The following TBC1D32 variants were observed in gnomAD, a reference collection of about 807,000 sequenced individuals.
TBC1D32 encodes the protein TBC1 domain family member 32, also known as protein broad-minded.
Under a neutral mutation model 170.3 loss-of-function variants are expected in TBC1D32, and 151 were observed. The ratio of observed to expected loss-of-function variants is 0.89; its 90% CI spans 0.78 to 1.01. The LOEUF (loss-of-function observed/expected upper bound fraction) is 1.01, where lower values mean the gene tolerates loss of function less well. Among genes scored for constraint, TBC1D32 ranks in the 50% least tolerant of loss-of-function variants. The pLI is 0.00. For synonymous variants in TBC1D32, 498 were observed against 488.0 expected (o/e 1.02, Z -0.27); for missense variants, 1,464 against 1,457.1 (o/e 1.00, Z -0.08).
At chr6:121,270,351 A>G (rs1319461889) in intron 15 of TBC1D32, among the ~76,000 whole-genome samples, 1 of 152,140 alleles carries the variant, frequency 6.6e-6, no homozygotes, top group African/African-American at 2.4e-5. Flanking sequence ...AAGATCAACA[A>G]AATTGATAAA....
chr6:121,104,063 A>G (rs1169155095), intron 30 of TBC1D32, among the ~76,000 whole-genome samples: 1 of 151,878 alleles, frequency 6.6e-6, no homozygotes, highest in African/African-American at 2.4e-5. Context: ...TAACTTCAGA[A>G]AGTTTAAAAT....
chr6:121,122,761 C>T (rs1582862431), intron 26 of TBC1D32, among the ~76,000 whole-genome samples: 1 of 152,126 alleles, frequency 6.6e-6, no homozygotes, highest in East Asian at 1.9e-4. Flanking sequence ...AAGACTTTTT[C>T]TGTCACAGTG....
At chr6:121,145,625 T>A (rs1259231600) in intron 24 of TBC1D32, among the ~76,000 whole-genome samples, 2 of 152,142 alleles carry the variant, frequency 1.3e-5, no homozygotes, top group African/African-American at 4.8e-5. Flanking sequence ...ATCAGAAAAA[T>A]AAGCATGTGA....
At chr6:121,281,494 A>T in intron 14 of TBC1D32, 50 bp downstream of exon 14, 1 of 1,470,984 alleles carries the variant, frequency 6.8e-7, no homozygotes, top group Non-Finnish European at 9.3e-7. Flanking sequence ...CTGAGTATCC[A>T]CTAATACCCA....
intron 31 of TBC1D32, among the ~76,000 whole-genome samples, chr6:121,083,194 T>C (rs1460058697): frequency 6.6e-6 from 1 of 152,000 alleles, no homozygotes; most frequent in African/African-American, 2.4e-5. Context: ...AAACTCTATA[T>C]AAAATATAAA....
intron 24 of TBC1D32, among the ~76,000 whole-genome samples, chr6:121,147,568 T>G (rs1433071503): frequency 6.6e-6 from 1 of 151,914 alleles, no homozygotes; most frequent in Admixed American, 6.6e-5. Flanking sequence ...TGATTAGTGA[T>G]GGTGAGCATT....
chr6:121,124,583 G>A (rs1434609490), intron 26 of TBC1D32, among the ~76,000 whole-genome samples: 1 of 151,856 alleles, frequency 6.6e-6, no homozygotes, highest in African/African-American at 2.4e-5. Flanking sequence ...TCCAGGTTTG[G>A]AAATATTTCT....
chr6:121,324,704 A>G (rs553407039), intron 1 of TBC1D32, among the ~76,000 whole-genome samples: 5 of 152,312 alleles, frequency 3.3e-5, no homozygotes, highest in East Asian at 3.9e-4. Flanking sequence ...ATATTTATTC[A>G]TTATTTCATT....
chr6:121,303,801 G>A (rs772003380), intron 8 of TBC1D32, 40 bp from the exon 9 acceptor site: 1 of 1,350,030 alleles, frequency 7.4e-7, no homozygotes, highest in African/African-American at 1.5e-5. Flanking sequence ...TACACATATA[G>A]TTCTGGTGGT....
At chr6:121,081,137 A>G (rs17083122) in intron 31 of TBC1D32, among the ~76,000 whole-genome samples, 9,857 of 152,272 alleles carry the variant, frequency 0.065, 617 homozygotes, top group Admixed American at 0.21. Context: ...ACAGCTACCA[A>G]AAAAACAAAA....
chr6:121,265,659 C>T (rs1800378736), intron 15 of TBC1D32, among the ~76,000 whole-genome samples: 1 of 151,994 alleles, frequency 6.6e-6, no homozygotes, highest in Non-Finnish European at 1.5e-5. Flanking sequence ...AGGCATCATG[C>T]TACGTGACTT....
intron 22 of TBC1D32, among the ~76,000 whole-genome samples, chr6:121,168,924 C>G (rs911717029): frequency 6.6e-6 from 1 of 151,910 alleles, no homozygotes; most frequent in Non-Finnish European, 1.5e-5. Context: ...AGAGATGATA[C>G]AAACAAATGG....
At position 121,131,651 on chromosome 6, in the gene TBC1D32, T is replaced by C; in HGVS notation, c.2875A>G (p.Lys959Glu). Reference sequence around the variant, plus strand: ...CCCTCTCCACTGATTATATCAGGTTTGGCTTTCATCATTTTGCAAAATTGT... The same window carrying C: ...CCCTCTCCACTGATTATATCAGGTTCGGCTTTCATCATTTTGCAAAATTGT... Reference protein sequence around the residue: ...QRQFCKMMKAKPDIISGEALI... With the variant: ...QRQFCKMMKAEPDIISGEALI... Residue 959 changes from lysine to glutamate, a missense_variant, in exon 25 of 32, where the codon AAA becomes GAA. Lys to Glu is a moderately conservative substitution (Grantham distance 56). Transcript: ENST00000398212. 1 of 1,611,954 alleles carries C rather than the reference T, an allele frequency of 6.2e-7. No individual in the cohort carries two copies. The highest frequency in any genetic ancestry group is 8.5e-7 in the Non-Finnish European group (1 of 1,178,854).
chr6:121,255,219 T>C (rs987701114), intron 17 of TBC1D32, 109 bp downstream of exon 17: 3 of 556,100 alleles, frequency 5.4e-6, no homozygotes, highest in African/African-American at 2.0e-5. Flanking sequence ...TATATATACA[T>C]TTACCATCCT....
At chr6:121,257,101 G>C (rs1799138596) in intron 15 of TBC1D32, among the ~76,000 whole-genome samples, 1 of 152,236 alleles carries the variant, frequency 6.6e-6, no homozygotes, top group East Asian at 1.9e-4. Flanking sequence ...CCACTGATTT[G>C]TTGGAAAAAC....
intron 21 of TBC1D32, among the ~76,000 whole-genome samples, chr6:121,216,498 T>C (rs2128319550): frequency 6.6e-6 from 1 of 152,348 alleles, no homozygotes; most frequent in East Asian, 1.9e-4. Flanking sequence ...TTGGAATTCT[T>C]TCATTGGTTT....
At chr6:121,148,357 T>C (rs1441080116) in intron 24 of TBC1D32, among the ~76,000 whole-genome samples, 8 of 152,178 alleles carry the variant, frequency 5.3e-5, no homozygotes, top group African/African-American at 1.9e-4. Context: ...GGTGTACATA[T>C]GCCACATTTT....
At chr6:121,202,290 A>G (rs1400725105) in intron 22 of TBC1D32, among the ~76,000 whole-genome samples, 3 of 150,314 alleles carry the variant, frequency 2.0e-5, no homozygotes, top group Admixed American at 2.0e-4. Flanking sequence ...AAAAAAAAAA[A>G]AAAGAAAGAA....
At chr6:121,327,163 C>T (rs1336369435) in intron 1 of TBC1D32, among the ~76,000 whole-genome samples, 2 of 151,894 alleles carry the variant, frequency 1.3e-5, no homozygotes, top group Non-Finnish European at 2.9e-5. Context: ...AAAAAACTAC[C>T]TATCAAAATA....
Sources: allele counts gnomAD v4.1 joint callset (sites outside exome capture counted in the v4.1 genomes callset), GRCh38; gene constraint gnomAD v4.1.1; transcripts MANE v1.5; gene names NCBI Gene and HGNC (gene_info 2026-07-23, HGNC 2026-07-21).